The following RSRC1 variants were observed in gnomAD, a reference collection of about 807,000 sequenced individuals.
RSRC1 encodes arginine and serine rich coiled-coil 1.
A neutral mutation model predicts 49.1 loss-of-function variants in RSRC1; 39 were observed. The ratio of observed to expected loss-of-function variants is 0.79; its 90% CI spans 0.61 to 1.04. RSRC1 has a LOEUF of 1.04. Ranked by LOEUF, RSRC1 falls within the 50% of genes least tolerant of loss-of-function variation. The pLI is 0.00. For missense variants in RSRC1, 388 were observed against 402.4 expected (o/e 0.96, Z 0.31); for synonymous variants, 143 against 130.8 (o/e 1.09, Z -0.63).
intron 4 of RSRC1, among the ~76,000 whole-genome samples, chr3:158,226,186 A>G (rs1722522257): frequency 6.6e-6 from 1 of 151,926 alleles, no homozygotes; most frequent in African/African-American, 2.4e-5. Context: ...AGAAATTAGA[A>G]CTAATATTAA....
At chr3:158,142,261 A>G (rs1716796127) in intron 3 of RSRC1, among the ~76,000 whole-genome samples, 1 of 152,016 alleles carries the variant, frequency 6.6e-6, no homozygotes, top group Non-Finnish European at 1.5e-5. Context: ...AGTTTTTCTA[A>G]TTGTTGATCT....
chr3:158,182,000 A>C lies in RSRC1; in HGVS notation c.321-21072A>C, dbSNP rs533180361. Among the ~76,000 whole-genome samples the C allele has an allele frequency of 6.6e-5, 10 of 152,270 alleles. No homozygotes were observed. The South Asian group carries it at 2.1e-3, about 32-fold the overall frequency. On this transcript the variant is annotated intron_variant, in intron 3 of 9. Coordinates refer to ENST00000611884, the MANE Select transcript of RSRC1 (RefSeq NM_001271838.2). ...CAATGAACAACAAATATAATAAATA[A>C]ATTTTATAGTATGTTGGGTCTAGTA...
At chr3:158,308,571 A>G (rs1727964126) in intron 5 of RSRC1, among the ~76,000 whole-genome samples, 2 of 151,916 alleles carry the variant, frequency 1.3e-5, no homozygotes, top group South Asian at 2.1e-4. Context: ...CAAAGTATTC[A>G]TCCTGCTTTC....
chr3:158,530,028 T>C (rs1229532733), intron 7 of RSRC1, among the ~76,000 whole-genome samples: 1 of 151,896 alleles, frequency 6.6e-6, no homozygotes, highest in Non-Finnish European at 1.5e-5. Flanking sequence ...CTTCCACTCC[T>C]TCTCTCCTCC....
intron 3 of RSRC1, among the ~76,000 whole-genome samples, chr3:158,151,174 A>G (rs1358455337): frequency 6.6e-6 from 1 of 152,250 alleles, no homozygotes; most frequent in Non-Finnish European, 1.5e-5. Flanking sequence ...TAATAAATAA[A>G]GTGACACAGG....
At chr3:158,134,704 C>G (rs1208119143) in intron 3 of RSRC1, among the ~76,000 whole-genome samples, 1 of 152,034 alleles carries the variant, frequency 6.6e-6, no homozygotes, top group Non-Finnish European at 1.5e-5. Context: ...CAATGTGTAA[C>G]TAGGAAGAAC....
intron 5 of RSRC1, among the ~76,000 whole-genome samples, chr3:158,332,908 A>T (rs1051179005): frequency 6.6e-6 from 1 of 151,824 alleles, no homozygotes; most frequent in Non-Finnish European, 1.5e-5. Flanking sequence ...TGCTACTTCC[A>T]TCATGGATTT....
chr3:158,344,674 G>C (rs2108220750), intron 5 of RSRC1, among the ~76,000 whole-genome samples: 1 of 152,266 alleles, frequency 6.6e-6, no homozygotes, highest in African/African-American at 2.4e-5. Flanking sequence ...TGACATAAGA[G>C]AATAGAGAGT....
intron 6 of RSRC1, among the ~76,000 whole-genome samples, chr3:158,453,155 CT>C (rs988899426): frequency 9.9e-5 from 15 of 151,726 alleles, no homozygotes; most frequent in Non-Finnish European, 2.2e-4. Context: ...AGGTTGTTTG[CT>C]TTTTTGTCAT....
chr3:158,486,722 T>A (rs1738831670), intron 7 of RSRC1, among the ~76,000 whole-genome samples: 1 of 152,174 alleles, frequency 6.6e-6, no homozygotes, highest in Non-Finnish European at 1.5e-5. Flanking sequence ...GAACCAAAAC[T>A]TAGGTTACCT....
intron 6 of RSRC1, among the ~76,000 whole-genome samples, chr3:158,419,970 T>G (rs1734951860): frequency 1.3e-5 from 2 of 151,838 alleles, no homozygotes; most frequent in African/African-American, 4.8e-5. Flanking sequence ...TTGTTCATTC[T>G]CTTCCTCTGC....
intron 6 of RSRC1, among the ~76,000 whole-genome samples, chr3:158,403,127 T>C (rs1478681754): frequency 6.6e-6 from 1 of 151,844 alleles, no homozygotes; most frequent in Non-Finnish European, 1.5e-5. Flanking sequence ...CTTTTTAACT[T>C]CTAGTTTCTC....
chr3:158,238,534 G>A (rs994914653), intron 4 of RSRC1, among the ~76,000 whole-genome samples: 1 of 151,874 alleles, frequency 6.6e-6, no homozygotes. Flanking sequence ...GACCAATGGA[G>A]CAGAACAGAG....
Position 158,208,842 on chromosome 3 carries a change from T to G in RSRC1, c.494+5597T>G, listed in dbSNP as rs146390044. On this transcript the variant is annotated intron_variant, in intron 4 of 9. Coordinates refer to ENST00000611884, the MANE Select transcript of RSRC1 (RefSeq NM_001271838.2). ...TGTCATGGCATCTCATAATTGCAAT[T>G]TGATTTGATGATGGTGAATGTTATA... 1.1e-3 allele frequency among the ~76,000 whole-genome samples: 175 copies of G among 152,322 alleles called. 1 individual carries two copies. Among genetic ancestry groups the G allele is most frequent in the African/African-American group, 4.1e-3 (170 of 41,566 alleles).
At chr3:158,417,135 G>T (rs1442363855) in intron 6 of RSRC1, among the ~76,000 whole-genome samples, 4 of 151,964 alleles carry the variant, frequency 2.6e-5, no homozygotes, top group Non-Finnish European at 5.9e-5. Flanking sequence ...ATCACTAGTT[G>T]AACAGTGTAC....
chr3:158,232,030 T>C (rs1263233956), intron 4 of RSRC1, among the ~76,000 whole-genome samples: 1 of 152,130 alleles, frequency 6.6e-6, no homozygotes, highest in African/African-American at 2.4e-5. Context: ...TGTCACTTGT[T>C]GTTACTTTTT....
chr3:158,474,590 G>T (rs1404989574), intron 7 of RSRC1, among the ~76,000 whole-genome samples: 2 of 152,150 alleles, frequency 1.3e-5, no homozygotes, highest in Non-Finnish European at 2.9e-5. Flanking sequence ...GATGCTGTTG[G>T]ATAGCATTTT....
intron 6 of RSRC1, among the ~76,000 whole-genome samples, chr3:158,357,886 G>A (rs771571845): frequency 6.6e-6 from 1 of 152,140 alleles, no homozygotes; most frequent in South Asian, 2.1e-4. Context: ...CTTACAAGCA[G>A]CATAACTTGA....
chr3:158,345,958 C>T (rs1730532654), intron 5 of RSRC1, among the ~76,000 whole-genome samples: 1 of 151,384 alleles, frequency 6.6e-6, no homozygotes, highest in Non-Finnish European at 1.5e-5. Flanking sequence ...AATTGGATAG[C>T]CATATATAGT....
Sources: allele counts gnomAD v4.1 joint callset (sites outside exome capture counted in the v4.1 genomes callset), GRCh38; gene constraint gnomAD v4.1.1; transcripts MANE v1.5; gene names NCBI Gene and HGNC (gene_info 2026-07-23, HGNC 2026-07-21).